The following ADAM12 variants were observed in gnomAD, a reference collection of about 807,000 sequenced individuals.
ADAM12 encodes the protein ADAM metallopeptidase domain 12.
Under a neutral mutation model 106.4 loss-of-function variants are expected in ADAM12, and 70 were observed. The observed-to-expected ratio is 0.66, with a 90% confidence interval of 0.54 to 0.80. The LOEUF (loss-of-function observed/expected upper bound fraction) is 0.80, where lower values mean the gene tolerates loss of function less well. Ranked by LOEUF, ADAM12 falls within the 30% of genes least tolerant of loss-of-function variation. The pLI is 0.00. For missense variants in ADAM12, 1,010 were observed against 1,171.9 expected (o/e 0.86, Z 2.02); for synonymous variants, 420 against 433.5 (o/e 0.97, Z 0.39).
At chr10:126,344,724 G>A (rs1171716531) in intron 1 of ADAM12, among the ~76,000 whole-genome samples, 8 of 152,162 alleles carry the variant, frequency 5.3e-5, no homozygotes, top group Admixed American at 2.0e-4. Context: ...TGTTCTCCTT[G>A]AAGAGGTTCT....
chr10:126,316,095 G>GC (rs1853856907), intron 2 of ADAM12, among the ~76,000 whole-genome samples: 1 of 152,150 alleles, frequency 6.6e-6, no homozygotes, highest in Non-Finnish European at 1.5e-5. Context: ...AGATATGATA[G>GC]AATTTTTTAC....
chr10:126,095,108 A>G (rs1347231601), intron 10 of ADAM12, among the ~76,000 whole-genome samples: 2 of 152,214 alleles, frequency 1.3e-5, no homozygotes, highest in African/African-American at 2.4e-5. Flanking sequence ...TGTGCTACTT[A>G]GGAAAGAGAT....
intron 4 of ADAM12, chr10:126,145,424 T>A (rs1258286095): frequency 6.5e-6 from 1 of 152,712 alleles, no homozygotes; most frequent in Non-Finnish European, 1.5e-5. Context: ...CAGAAACGTA[T>A]AACCAAGACT....
intron 18 of ADAM12, chr10:126,042,050 T>C (rs1954186284): frequency 6.5e-7 from 1 of 1,543,350 alleles, no homozygotes; most frequent in Admixed American, 1.9e-5. Context: ...ACAGAGTCAA[T>C]GCTGCCAGTC....
intron 3 of ADAM12, among the ~76,000 whole-genome samples, chr10:126,192,010 G>A (rs905062449): frequency 6.6e-6 from 1 of 152,074 alleles, no homozygotes; most frequent in African/African-American, 2.4e-5. Context: ...ACCTGATCTG[G>A]TGAGCACTTA....
chr10:126,277,627 G>A (rs915813561), intron 3 of ADAM12, among the ~76,000 whole-genome samples: 3 of 152,120 alleles, frequency 2.0e-5, no homozygotes, highest in African/African-American at 2.4e-5. Flanking sequence ...TAAGGGAGAC[G>A]GATCAAAAGC....
chr10:126,131,905 C>A (rs1434260294), intron 5 of ADAM12, among the ~76,000 whole-genome samples: 1 of 151,894 alleles, frequency 6.6e-6, no homozygotes, highest in Non-Finnish European at 1.5e-5. Context: ...TGTATCCAGC[C>A]ATGCCTAGAT....
At chr10:126,039,515 G>C in intron 18 of ADAM12, 86 bp from the exon 19 acceptor site, 2 of 1,519,094 alleles carry the variant, frequency 1.3e-6, no homozygotes, top group South Asian at 2.3e-5. Context: ...ATGGCAAAGT[G>C]AACTCTGAAG....
chr10:126,210,562 G>A (rs146747639), intron 3 of ADAM12, among the ~76,000 whole-genome samples: 16 of 152,346 alleles, frequency 1.1e-4, no homozygotes, highest in African/African-American at 2.4e-4. Flanking sequence ...CTGACAGGAC[G>A]TGAGTGAGTC....
rs1343136324 is a variant in ADAM12 at position 126,036,370 on chromosome 10, A to G, written c.2350-45T>C. 1.9e-6 allele frequency: 3 copies of G among 1,546,122 alleles called. 1 individual carries two copies. In the South Asian group the frequency reaches 3.8e-5, roughly 20 times the overall value. ...AGCCATGCTATAGCGGGTTTCAAAA[A>G]TATCAGTAACTCCTTAAGGAAAAAG... On this transcript the variant is annotated intron_variant, in intron 20 of 22. Transcript: ENST00000448723.
chr10:126,215,898 G>A (rs1590631428), intron 3 of ADAM12, among the ~76,000 whole-genome samples: 1 of 152,276 alleles, frequency 6.6e-6, no homozygotes, highest in East Asian at 1.9e-4. Context: ...ACTAGTGAGA[G>A]CTCACGAGTT....
chr10:126,233,373 C>T (rs1958351027), intron 3 of ADAM12, among the ~76,000 whole-genome samples: 1 of 152,098 alleles, frequency 6.6e-6, no homozygotes, highest in Non-Finnish European at 1.5e-5. Flanking sequence ...CAGTGGAGTC[C>T]ACATCAAGTC....
intron 21 of ADAM12, among the ~76,000 whole-genome samples, chr10:126,034,795 A>G (rs937944148): frequency 3.3e-5 from 5 of 152,164 alleles, no homozygotes; most frequent in African/African-American, 4.8e-5. Flanking sequence ...ATTGTGAAAT[A>G]TCATTCATGA....
At chr10:126,380,893 A>G (rs941464546) in intron 1 of ADAM12, among the ~76,000 whole-genome samples, 5 of 152,188 alleles carry the variant, frequency 3.3e-5, no homozygotes, top group African/African-American at 1.2e-4. Context: ...TTTGTAAATC[A>G]TGGACGCTGC....
At chr10:126,289,827 T>G (rs1161163505) in intron 2 of ADAM12, among the ~76,000 whole-genome samples, 1 of 152,238 alleles carries the variant, frequency 6.6e-6, no homozygotes, top group Non-Finnish European at 1.5e-5. Context: ...TTAACTCTGC[T>G]GGACCTCAGT....
intron 3 of ADAM12, among the ~76,000 whole-genome samples, chr10:126,169,878 G>A (rs1674936): frequency 0.099 from 15,078 of 152,176 alleles, 2,149 homozygotes; most frequent in African/African-American, 0.31. Context: ...TGGTGTATGC[G>A]TGTCCCCTCC....
intron 3 of ADAM12, among the ~76,000 whole-genome samples, chr10:126,233,266 C>A (rs1043765786): frequency 3.3e-5 from 5 of 151,984 alleles, no homozygotes; most frequent in African/African-American, 1.2e-4. Context: ...GGGAGAGGAC[C>A]CCTGAGGAGT....
intron 1 of ADAM12, among the ~76,000 whole-genome samples, chr10:126,342,100 C>T (rs377434854): frequency 5.6e-4 from 86 of 152,258 alleles, no homozygotes; most frequent in African/African-American, 1.9e-3. Context: ...CCTTTTTCCC[C>T]ACTTGCAGGG....
At chr10:126,235,541 C>G (rs1039529762) in intron 3 of ADAM12, among the ~76,000 whole-genome samples, 1 of 152,116 alleles carries the variant, frequency 6.6e-6, no homozygotes, top group Non-Finnish European at 1.5e-5. Flanking sequence ...GCTGCAGGAG[C>G]GTGCCTGCAT....
Sources: allele counts gnomAD v4.1 joint callset (sites outside exome capture counted in the v4.1 genomes callset), GRCh38; gene constraint gnomAD v4.1.1; transcripts MANE v1.5; gene names NCBI Gene and HGNC (gene_info 2026-07-23, HGNC 2026-07-21).